MACROD2: variants seen among roughly 807,000 people sequenced by gnomAD.
MACROD2 encodes ADP-ribose glycohydrolase MACROD2.
MACROD2 carries 36 observed loss-of-function variants against 70.4 expected under a neutral mutation model. That is an observed-to-expected ratio of 0.51 (90% CI 0.39 to 0.68). The LOEUF is 0.68. Among genes scored for constraint, MACROD2 ranks in the 30% least tolerant of loss-of-function variants. The pLI is 0.00. For synonymous variants in MACROD2, 172 were observed against 178.8 expected (o/e 0.96, Z 0.30); for missense variants, 496 against 538.4 (o/e 0.92, Z 0.78).
At chr20:15,058,998 G>A (rs2075510115) in intron 5 of MACROD2, among the ~76,000 whole-genome samples, 1 of 152,070 alleles carries the variant, frequency 6.6e-6, no homozygotes, top group African/African-American at 2.4e-5. Context: ...TGTTATCTAT[G>A]GTTTTATTAT....
intron 7 of MACROD2, among the ~76,000 whole-genome samples, chr20:15,498,397 T>C (rs917382019): frequency 6.6e-6 from 1 of 152,158 alleles, no homozygotes; most frequent in Non-Finnish European, 1.5e-5. Flanking sequence ...GCAACGTCTC[T>C]CTCTTTCTGC....
chr20:15,636,264 A>G (rs779299129), intron 8 of MACROD2, among the ~76,000 whole-genome samples: 19 of 152,116 alleles, frequency 1.2e-4, no homozygotes, highest in Admixed American at 2.0e-4. Flanking sequence ...CTTGAGGTCT[A>G]TAACATCACT....
chr20:15,745,330 C>T (rs994206469), intron 8 of MACROD2, among the ~76,000 whole-genome samples: 1 of 152,118 alleles, frequency 6.6e-6, no homozygotes, highest in African/African-American at 2.4e-5. Flanking sequence ...CCTGGTGGTC[C>T]TGTATCTTAC....
intron 3 of MACROD2, among the ~76,000 whole-genome samples, chr20:14,441,874 G>A (rs193082272): frequency 2.0e-5 from 3 of 151,632 alleles, no homozygotes; most frequent in Admixed American, 6.6e-5. Flanking sequence ...TGATGTACGC[G>A]TTTACGAAGA....
intron 15 of MACROD2, among the ~76,000 whole-genome samples, chr20:16,001,906 C>A (rs1010455732): frequency 1.3e-5 from 2 of 151,880 alleles, no homozygotes; most frequent in African/African-American, 4.8e-5. Flanking sequence ...CACTTTGTTA[C>A]ATTACTCTTA....
At chr20:14,497,999 T>C (rs2084873407) in intron 4 of MACROD2, among the ~76,000 whole-genome samples, 1 of 151,630 alleles carries the variant, frequency 6.6e-6, no homozygotes, top group Non-Finnish European at 1.5e-5. Context: ...CCCCTTAGAG[T>C]AGGCCCAAAG....
At chr20:14,573,013 T>C (rs1379548897) in intron 4 of MACROD2, among the ~76,000 whole-genome samples, 2 of 151,822 alleles carry the variant, frequency 1.3e-5, no homozygotes, top group African/African-American at 2.4e-5. Flanking sequence ...AAGTAGAGAA[T>C]AGTCTAAGTA....
chr20:15,409,455 C>A (rs2046047567), intron 6 of MACROD2, among the ~76,000 whole-genome samples: 2 of 152,076 alleles, frequency 1.3e-5, no homozygotes, highest in South Asian at 4.2e-4. Flanking sequence ...AAAAGCAATA[C>A]GAGAAAGGAT....
At chr20:14,703,296 GAGCAAC>G (rs1273043604) in intron 5 of MACROD2, among the ~76,000 whole-genome samples, 1 of 152,100 alleles carries the variant, frequency 6.6e-6, no homozygotes, top group African/African-American at 2.4e-5. Context: ...GAACATAGAA[GAGCAAC>G]AGCTGGGAAG....
chr20:14,265,041 G>GCCC (rs2082132783), intron 3 of MACROD2, among the ~76,000 whole-genome samples: 5 of 152,210 alleles, frequency 3.3e-5, no homozygotes, highest in Admixed American at 2.0e-4. Context: ...TTTGCTCAGT[G>GCCC]CTGATGTTTC....
intron 4 of MACROD2, among the ~76,000 whole-genome samples, chr20:14,524,130 G>A (rs988217187): frequency 5.9e-5 from 9 of 152,086 alleles, no homozygotes; most frequent in African/African-American, 1.9e-4. Context: ...AAAAGGGAAC[G>A]GTATTTATAA....
At chr20:15,096,686 AT>A (rs2075835140) in intron 5 of MACROD2, among the ~76,000 whole-genome samples, 1 of 150,842 alleles carries the variant, frequency 6.6e-6, no homozygotes, top group Non-Finnish European at 1.5e-5. Context: ...TAATTTTTAT[AT>A]TTTTAGTAGA....
At chr20:15,678,452 C>T (rs555610286) in intron 8 of MACROD2, among the ~76,000 whole-genome samples, 27 of 152,004 alleles carry the variant, frequency 1.8e-4, no homozygotes, top group East Asian at 5.9e-4. Context: ...CTCTGCCTCC[C>T]GGGTTCACGC....
At chr20:14,384,978 C>G (rs1341880039) in intron 3 of MACROD2, among the ~76,000 whole-genome samples, 1 of 152,018 alleles carries the variant, frequency 6.6e-6, no homozygotes, top group Non-Finnish European at 1.5e-5. Flanking sequence ...CAAAAGGGTG[C>G]TTTATGTAAT....
chr20:15,199,535 G>T (rs149819), intron 5 of MACROD2, among the ~76,000 whole-genome samples: 29,280 of 152,060 alleles, frequency 0.19, 3,138 homozygotes, highest in African/African-American at 0.29. Flanking sequence ...ATAATACTTA[G>T]CACAATTCCT....
At chr20:15,623,600 G>T (rs1411184773) in intron 8 of MACROD2, among the ~76,000 whole-genome samples, 1 of 152,126 alleles carries the variant, frequency 6.6e-6, no homozygotes, top group Non-Finnish European at 1.5e-5. Flanking sequence ...GACGCTATGG[G>T]CTTTGCCATT....
chr20:14,055,507 CAA>C lies in MACROD2; in HGVS notation c.164-30097_164-30096del, dbSNP rs4052606. ...AGGGAAAGATCAGAAGTTTCAGGAGCAAAAAAAAAAAAAAAAAATACATATAT... is the reference window on the plus strand; with the variant it reads ...AGGGAAAGATCAGAAGTTTCAGGAGCAAAAAAAAAAAAAAAATACATATAT... On this transcript the variant is annotated intron_variant, in intron 2 of 17. Transcript: ENST00000684519. 6.2e-3 allele frequency among the ~76,000 whole-genome samples: 637 copies of C among 103,152 alleles called. 2 individuals are homozygous for C. Among genetic ancestry groups the C allele is most frequent in the African/African-American group, 0.017 (518 of 30,788 alleles). The allele number at this position is 103,152 out of a possible 152,430, so 67.7% of individuals were successfully genotyped here.
intron 3 of MACROD2, among the ~76,000 whole-genome samples, chr20:14,312,417 C>A (rs1476593772): frequency 6.6e-6 from 1 of 152,154 alleles, no homozygotes; most frequent in Non-Finnish European, 1.5e-5. Context: ...GAGAAAACTG[C>A]TCTCCTACTT....
intron 5 of MACROD2, among the ~76,000 whole-genome samples, chr20:15,072,126 G>A (rs2075623750): frequency 6.6e-6 from 1 of 152,058 alleles, no homozygotes; most frequent in African/African-American, 2.4e-5. Flanking sequence ...CTACATACAT[G>A]TTAAATGGAT....
Sources: allele counts gnomAD v4.1 joint callset (sites outside exome capture counted in the v4.1 genomes callset), GRCh38; gene constraint gnomAD v4.1.1; transcripts MANE v1.5; gene names NCBI Gene and HGNC (gene_info 2026-07-23, HGNC 2026-07-21).